DYRK3: variants seen among roughly 807,000 people sequenced by gnomAD.
The protein encoded by DYRK3 is dual specificity tyrosine phosphorylation regulated kinase 3, also known as dual specificity tyrosine-phosphorylation-regulated kinase 3.
In DYRK3, 30 loss-of-function variants were observed where a neutral mutation model predicts 40.8. The ratio of observed to expected loss-of-function variants is 0.74; its 90% CI spans 0.55 to 1.00. The LOEUF (loss-of-function observed/expected upper bound fraction) is 1.00. Among genes scored for constraint, DYRK3 ranks in the 50% least tolerant of loss-of-function variants. The pLI, the probability that DYRK3 is intolerant of heterozygous loss-of-function variation, is 0.00. For missense variants in DYRK3, 699 were observed against 731.5 expected, an observed-to-expected ratio of 0.96 and a Z score of 0.51; for synonymous variants, 272 against 260.7, an observed-to-expected ratio of 1.04 and a Z score of -0.42.
rs1671660847 is a variant in DYRK3, at chr1:206,652,641, G to A, written c.*3676G>A. ...AATTCAAGTTTGAGGAGAGTGGGCTGCTTAAAAACATGGTGCTCGTCCACA... is the reference window on the plus strand; with the variant it reads ...AATTCAAGTTTGAGGAGAGTGGGCTACTTAAAAACATGGTGCTCGTCCACA... On this transcript the variant is annotated 3_prime_UTR_variant, in exon 3 of 3. Transcript: ENST00000367109. 6.6e-6 allele frequency among the ~76,000 whole-genome samples: 1 copy of A among 152,208 alleles called. No homozygotes were observed. Among genetic ancestry groups the A allele is most frequent in the African/African-American group, 2.4e-5 (1 of 41,458 alleles).
chr1:206,647,171 G>A (rs1182973499), intron 2 of DYRK3, among the ~76,000 whole-genome samples: 1 of 152,066 alleles, frequency 6.6e-6, no homozygotes, highest in Non-Finnish European at 1.5e-5. Context: ...AGCAAGGCAT[G>A]TATGGGGGTT....
At chr1:206,639,723 G>A (rs1393777353) in intron 2 of DYRK3, among the ~76,000 whole-genome samples, 1 of 151,984 alleles carries the variant, frequency 6.6e-6, no homozygotes, top group Non-Finnish European at 1.5e-5. Context: ...GCTCCCCAAA[G>A]TGCTGGGATT....
chr1:206,648,018 A>G lies in DYRK3; in HGVS notation c.820A>G (p.Met274Val), dbSNP rs55766763. ...AACTGGTAGTATGAACGTTATCCAC[A>G]TGCTGGAAAGTTTCACATTCCGGAA... ...DKTGSMNVIH[M>V]LESFTFRNHV... Residue 274 changes from methionine to valine, a missense_variant, in exon 3 of 3, where the codon ATG becomes GTG. Coordinates refer to ENST00000367109, the MANE Select transcript of DYRK3 (RefSeq NM_003582.4). 4 of 1,614,194 alleles carry G rather than the reference A, an allele frequency of 2.5e-6. No individual in the cohort carries two copies. The highest frequency in any genetic ancestry group is 1.6e-4 in the Middle Eastern group (1 of 6,062).
At chr1:206,636,034 C>T (rs1671096545) in intron 1 of DYRK3, 1 of 1,459,490 alleles carries the variant, frequency 6.9e-7, no homozygotes, top group Non-Finnish European at 9.1e-7. Context: ...CCTGGATTCC[C>T]TCTGAAACCC....
At chr1:206,642,487 T>A (rs1169906116) in intron 2 of DYRK3, among the ~76,000 whole-genome samples, 1 of 152,236 alleles carries the variant, frequency 6.6e-6, no homozygotes, top group African/African-American at 2.4e-5. Flanking sequence ...CATGTATGTT[T>A]ATTGTGGCAC....
At chr1:206,643,584 G>A (rs1553419648) in intron 2 of DYRK3, among the ~76,000 whole-genome samples, 1 of 152,166 alleles carries the variant, frequency 6.6e-6, no homozygotes, top group African/African-American at 2.4e-5. Context: ...TTTCATTAGG[G>A]CATTGATCTT....
At chr1:206,635,990 C>T in intron 1 of DYRK3, 3 of 1,392,986 alleles carry the variant, frequency 2.2e-6, no homozygotes, top group South Asian at 3.3e-5. Context: ...GGGGACGGGG[C>T]TAGAGCGGAG....
intron 2 of DYRK3, among the ~76,000 whole-genome samples, chr1:206,640,476 T>G (rs1671256772): frequency 6.6e-6 from 1 of 151,968 alleles, no homozygotes; most frequent in Admixed American, 6.6e-5. Context: ...GTTTGGGAGC[T>G]GGGGAAAAGG....
Position 206,653,001 on chromosome 1 carries a change from C to A in DYRK3, c.*4036C>A, listed in dbSNP as rs1476934774. ...GTTGGGTTAGAATTTTTATTTCATT[C>A]CCCAAGTCATTTTTTCTTTTTCTTT... On this transcript the variant is annotated 3_prime_UTR_variant, in exon 3 of 3. Coordinates refer to ENST00000367109, the MANE Select transcript of DYRK3 (RefSeq NM_003582.4). 6.6e-6 allele frequency among the ~76,000 whole-genome samples: 1 copy of A among 152,110 alleles called. No homozygotes were observed. The highest frequency in any genetic ancestry group is 2.4e-5 in the African/African-American group (1 of 41,420).
Position 206,648,835 on chromosome 1 carries a change from G to C in DYRK3, c.1637G>C (p.Ser546Thr), listed in dbSNP as rs1671547546. 6 of 1,614,208 alleles carry C rather than the reference G, an allele frequency of 3.7e-6. No individual in the cohort carries two copies. The highest frequency in any genetic ancestry group is 4.2e-6 in the Non-Finnish European group (5 of 1,180,032). The change falls in exon 3 of 3, where the codon AGT becomes ACT. Residue 546 changes from serine to threonine, a missense_variant. Physicochemically the swap from Ser to Thr is moderately conservative, Grantham distance 58. Transcript: ENST00000367109. ...VSGKRVVNPA[S>T]AFQGLGSKLP... ...GGGAAACGGGTAGTTAATCCTGCAA[G>C]TGCTTTCCAGGGATTGGGTTCTAAG...
intron 2 of DYRK3, among the ~76,000 whole-genome samples, chr1:206,646,634 G>A (rs1553420166): frequency 6.6e-6 from 1 of 152,162 alleles, no homozygotes; most frequent in East Asian, 1.9e-4. Context: ...AATTTATATG[G>A]GGACCTGGGA....
rs149384908 is a variant in DYRK3, at chr1:206,648,236, C to G, written c.1038C>G (p.His346Gln). Residue 346 changes from histidine to glutamine, a missense_variant, in exon 3 of 3, where the codon CAC becomes CAG. Coordinates refer to ENST00000367109, the MANE Select transcript of DYRK3 (RefSeq NM_003582.4). The part of the protein sequence containing the change: ...LKPENILLKH[H>Q]GRSSTKVIDF... ...CAGAAAACATTCTCCTGAAACACCA[C>G]GGGCGCAGTTCAACCAAGGTCATTG... 1.9e-6 allele frequency: 3 copies of G among 1,614,072 alleles called. No homozygotes were observed. The highest frequency in any genetic ancestry group is 2.5e-6 in the Non-Finnish European group (3 of 1,180,042).
intron 1 of DYRK3, chr1:206,636,866 C>T (rs1671126703): frequency 4.4e-6 from 7 of 1,585,760 alleles, no homozygotes; most frequent in South Asian, 3.4e-5. Flanking sequence ...CTTTTGTGTT[C>T]CCTTACAGTG....
At chr1:206,637,836 A>C in intron 2 of DYRK3, 75 bp downstream of exon 2, 1 of 1,156,436 alleles carries the variant, frequency 8.6e-7, no homozygotes, top group Non-Finnish European at 1.3e-6. Flanking sequence ...CTCAAGGTAC[A>C]CTTATGTATC....
At position 206,651,303 on chromosome 1, in the gene DYRK3, C is replaced by G. The variant is rs974756926; in HGVS notation, c.*2338C>G. ...AGTTGGTAGTCCAATGTCTGCTTCCCCGCATTAACCACATTGCGTAGGTTT... is the reference window on the plus strand; with the variant it reads ...AGTTGGTAGTCCAATGTCTGCTTCCGCGCATTAACCACATTGCGTAGGTTT... On this transcript the variant is annotated 3_prime_UTR_variant, in exon 3 of 3. Coordinates refer to ENST00000367109, the MANE Select transcript of DYRK3 (RefSeq NM_003582.4). 6.6e-6 allele frequency among the ~76,000 whole-genome samples: 1 copy of G among 152,306 alleles called. No homozygotes were observed. Among genetic ancestry groups the G allele is most frequent in the South Asian group, 2.1e-4 (1 of 4,828 alleles).
rs146696489 is a variant in DYRK3, at chr1:206,637,247, C to G, written c.78-403C>G. Among the ~76,000 whole-genome samples, 887 of 152,308 alleles carry G rather than the reference C, an allele frequency of 5.8e-3. 11 individuals are homozygous for G. Among genetic ancestry groups the G allele is most frequent in the African/African-American group, 0.021 (863 of 41,552 alleles). On this transcript the variant is annotated intron_variant, in intron 1 of 2. Transcript: ENST00000367109. ...GAAGGTAGCACAGCCAGTGTTAGAGCTGAGATTAGAATCCAAGTCTCTGAC... is the reference window on the plus strand; with the variant it reads ...GAAGGTAGCACAGCCAGTGTTAGAGGTGAGATTAGAATCCAAGTCTCTGAC...
Position 206,650,200 on chromosome 1 carries a change from TTTG to T in DYRK3, c.*1241_*1243del, listed in dbSNP as rs1553421128. 6.6e-6 allele frequency among the ~76,000 whole-genome samples: 1 copy of T among 152,224 alleles called. No homozygotes were observed. Among genetic ancestry groups the T allele is most frequent in the Non-Finnish European group, 1.5e-5 (1 of 68,040 alleles). ...GCTAACTCACTGCTACTGGGTTTTG[TTTG>T]TTGTTTCCTGTCCCTTGCTCTATTT... On this transcript the variant is annotated 3_prime_UTR_variant, in exon 3 of 3. Transcript: ENST00000367109.
In DYRK3 at chr1:206,637,679, T is replaced by A. The variant is rs782765241; in HGVS notation, c.107T>A (p.Met36Lys). ...GGGGATGGTGTCTATGACACCTTCATGATGATAGATGAAACCAAATGTCCC... is the reference window on the plus strand; with the variant it reads ...GGGGATGGTGTCTATGACACCTTCAAGATGATAGATGAAACCAAATGTCCC... ...RLGDGVYDTF[M>K]MIDETKCPPC... Residue 36 changes from methionine (M) to lysine (K), a missense_variant, in exon 2 of 3, where the codon ATG becomes AAG. Coordinates refer to ENST00000367109, the MANE Select transcript of DYRK3 (RefSeq NM_003582.4). The A allele has an allele frequency of 1.2e-6, 2 of 1,614,058 alleles. No individual in the cohort carries two copies. The highest frequency in any genetic ancestry group is 4.5e-5 in the East Asian group (2 of 44,856).
intron 2 of DYRK3, 28 bp downstream of exon 2, chr1:206,637,789 A>G: frequency 4.5e-6 from 7 of 1,565,524 alleles, no homozygotes; most frequent in Non-Finnish European, 5.3e-6. Context: ...TTCTTTGTAC[A>G]TGAATTGTTT....
Sources: allele counts gnomAD v4.1 joint callset (sites outside exome capture counted in the v4.1 genomes callset), GRCh38; gene constraint gnomAD v4.1.1; transcripts MANE v1.5; gene names NCBI Gene and HGNC (gene_info 2026-07-23, HGNC 2026-07-21).